The following SRSF3 variants were observed in gnomAD, a reference collection of about 807,000 sequenced individuals.
SRSF3 encodes the protein serine and arginine rich splicing factor 3.
For synonymous variants in SRSF3, 87 were observed against 73.6 expected (o/e 1.18, Z -0.93); for missense variants, 58 against 217.1 (o/e 0.27, Z 4.61).
chr6:36,595,506 C>A (rs1778612121), intron 1 of SRSF3, among the ~76,000 whole-genome samples: 1 of 152,184 alleles, frequency 6.6e-6, no homozygotes, highest in Admixed American at 6.5e-5. Context: ...GATTCCCTGT[C>A]CCCCTTCCTC....
At chr6:36,599,966 C>A in intron 3 of SRSF3, 1 of 1,312,180 alleles carries the variant, frequency 7.6e-7, no homozygotes, top group Non-Finnish European at 1.0e-6. Context: ...TCAGGTTGCA[C>A]CGCCCTTTGG....
At chr6:36,596,693 T>C (rs60049609) in intron 1 of SRSF3, 68 bp from the exon 2 acceptor site, 34,266 of 1,409,538 alleles carry the variant, frequency 0.024, 495 homozygotes, top group African/African-American at 0.041. Flanking sequence ...TGGAGTTCTT[T>C]CTAAGGATCT....
Position 36,601,197 on chromosome 6 carries a change from GACT to G in SRSF3, c.380+10_380+12del. ...TCTCTCGCAGCCGGAGCAGGTAAAT[GACT>G]ACCTTTTTTGGCTACGTTCTTAGAA... On this transcript the variant is annotated splice_region_variant and intron_variant, in intron 4 of 5. Coordinates refer to ENST00000373715, the MANE Select transcript of SRSF3 (RefSeq NM_003017.5). The G allele has an allele frequency of 6.2e-7, 1 of 1,613,274 alleles. No homozygotes were observed. Among genetic ancestry groups the G allele is most frequent in the South Asian group, 1.1e-5 (1 of 91,038 alleles).
rs1778721224 is a variant in SRSF3 at position 36,601,856 on chromosome 6, C to T, written c.467+62C>T. ...TACATAGTATGCTAAGGCCTGTCTT[C>T]TAAGCCATAAATTTTTTACCTTAAA... On this transcript the variant is annotated intron_variant, in intron 5 of 5. Coordinates refer to ENST00000373715, the MANE Select transcript of SRSF3 (RefSeq NM_003017.5). 8.1e-6 allele frequency: 13 copies of T among 1,596,200 alleles called. No homozygotes were observed. The East Asian group carries it at 2.2e-4, about 27-fold the overall frequency.
rs531026242 is a variant in SRSF3, at chr6:36,596,577, G to C, written c.-2-184G>C. Among the ~76,000 whole-genome samples the C allele has an allele frequency of 2.9e-3, 390 of 133,994 alleles. 44 individuals are homozygous for C. Among genetic ancestry groups the C allele is most frequent in the Non-Finnish European group, 5.0e-3 (292 of 58,524 alleles). 87.9% of individuals were successfully genotyped at this position (133,994 alleles called of 152,430 possible). On this transcript the variant is annotated intron_variant, in intron 1 of 5. Coordinates refer to ENST00000373715, the MANE Select transcript of SRSF3 (RefSeq NM_003017.5). The stretch of plus-strand genomic sequence containing the variant: ...TAAAGATAATGGGGCGGGGTGGCGG[G>C]GGGGGGGAAATGGGTGCTTAGCAGT...
At chr6:36,595,739 G>A (rs1255616447) in intron 1 of SRSF3, among the ~76,000 whole-genome samples, 1 of 152,068 alleles carries the variant, frequency 6.6e-6, no homozygotes, top group East Asian at 1.9e-4. Flanking sequence ...GGACATTTGG[G>A]TTAACATCTT....
chr6:36,602,930 G>C lies in SRSF3; in HGVS notation c.*941G>C, dbSNP rs75915494. The C allele has an allele frequency of 0.018, 3,834 of 214,998 alleles. 52 individuals are homozygous for C. The highest frequency in any genetic ancestry group is 0.05 in the South Asian group (266 of 5,362). 13.3% of individuals were successfully genotyped at this position (214,998 alleles called of 1,614,324 possible). On this transcript the variant is annotated 3_prime_UTR_variant, in exon 6 of 6. Coordinates refer to ENST00000373715, the MANE Select transcript of SRSF3 (RefSeq NM_003017.5). ...ATATTAGCATAATTGTGTATAGTCA[G>C]TTGAACCCACTGTTACCATTGTTCT...
intron 2 of SRSF3, among the ~76,000 whole-genome samples, chr6:36,598,277 C>G (rs1253482754): frequency 1.3e-5 from 2 of 152,154 alleles, no homozygotes; most frequent in Admixed American, 6.6e-5. Context: ...CTGGCTCTAA[C>G]AATTAGGTGA....
chr6:36,597,342 G>A (rs1028005336), intron 2 of SRSF3, among the ~76,000 whole-genome samples: 6 of 152,082 alleles, frequency 3.9e-5, no homozygotes, highest in Non-Finnish European at 7.4e-5. Context: ...CTGACCCCAG[G>A]TGATCTGACC....
rs138329776 is a variant in SRSF3, at chr6:36,603,647, C to G, written c.*1658C>G. The G allele has an allele frequency of 8.7e-6, 2 of 229,898 alleles. No homozygotes were observed. The highest frequency in any genetic ancestry group is 4.4e-5 in the African/African-American group (2 of 45,164). 14.2% of individuals were successfully genotyped at this position (229,898 alleles called of 1,614,324 possible). A position where few individuals can be genotyped will look rare whatever the true frequency, so the allele number is the denominator to read the frequency against. Reference sequence around the variant, plus strand: ...GTTCAGCCTTAAAGTTAAGCATGTTCAAGAAAGACACTTTTCAGACAGCCT... The same window carrying G: ...GTTCAGCCTTAAAGTTAAGCATGTTGAAGAAAGACACTTTTCAGACAGCCT... On this transcript the variant is annotated 3_prime_UTR_variant, in exon 6 of 6. Transcript: ENST00000373715.
At chr6:36,601,907 T>C (rs1778722540) in intron 5 of SRSF3, 55 bp from the exon 6 acceptor site, 19 of 1,586,420 alleles carry the variant, frequency 1.2e-5, no homozygotes, top group Admixed American at 3.8e-5. Context: ...GTCACTAAAG[T>C]GTCACCAAGT....
rs1414348603 is a variant in SRSF3 at position 36,601,425 on chromosome 6, T to C, written c.380+235T>C. 39 of 582,382 alleles carry C rather than the reference T, an allele frequency of 6.7e-5. 1 individual carries two copies. In the East Asian group the frequency reaches 1.1e-3, roughly 16 times the overall value. The allele number at this position is 582,382 out of a possible 1,614,324, so 36.1% of individuals were successfully genotyped here. A position where few individuals can be genotyped will look rare whatever the true frequency, so the allele number is the denominator to read the frequency against. ...GCAGTGGTGTGATTATAGCTCACTG[T>C]AGCCTTTAACTCCTGGCCTTGGAGT... is the stretch of plus-strand genomic sequence containing the variant. On this transcript the variant is annotated intron_variant, in intron 4 of 5. Coordinates refer to ENST00000373715, the MANE Select transcript of SRSF3 (RefSeq NM_003017.5).
At chr6:36,596,674 CCT>C in intron 1 of SRSF3, 85 bp from the exon 2 acceptor site, 1 of 1,203,150 alleles carries the variant, frequency 8.3e-7, no homozygotes, top group South Asian at 1.2e-5. Flanking sequence ...ACTCTCTTGT[CCT>C]CTCTAATGGA....
rs1025180389 is a variant in SRSF3, at chr6:36,603,435, G to C, written c.*1446G>C. 2 of 223,958 alleles carry C rather than the reference G, an allele frequency of 8.9e-6. No homozygotes were observed. Among genetic ancestry groups the C allele is most frequent in the Admixed American group, 1.1e-4 (2 of 17,448 alleles). The allele number at this position is 223,958 out of a possible 1,614,324, so 13.9% of individuals were successfully genotyped here. Reference sequence around the variant, plus strand: ...GATTAAATCATAATGCAACAGTCTTGTGGCTTAGTTTCCTTAAATATGCTC... The same window carrying C: ...GATTAAATCATAATGCAACAGTCTTCTGGCTTAGTTTCCTTAAATATGCTC... On this transcript the variant is annotated 3_prime_UTR_variant, in exon 6 of 6. Transcript: ENST00000373715.
In SRSF3 at chr6:36,603,207, T is replaced by G. The variant is rs1582516173; in HGVS notation, c.*1218T>G. ...CCCATTAACAAATGGCTTTTATCTTTAGCATGAAAACTTTCCACAGGTCTA... is the reference window on the plus strand; with the variant it reads ...CCCATTAACAAATGGCTTTTATCTTGAGCATGAAAACTTTCCACAGGTCTA... On this transcript the variant is annotated 3_prime_UTR_variant, in exon 6 of 6. Transcript: ENST00000373715. 1 of 224,794 alleles carries G rather than the reference T, an allele frequency of 4.4e-6. No individual in the cohort carries two copies. Among genetic ancestry groups the G allele is most frequent in the Non-Finnish European group, 8.9e-6 (1 of 112,534 alleles). 13.9% of individuals were successfully genotyped at this position (224,794 alleles called of 1,614,324 possible).
intron 2 of SRSF3, among the ~76,000 whole-genome samples, chr6:36,598,192 G>GT (rs779187568): frequency 6.6e-6 from 1 of 152,160 alleles, no homozygotes; most frequent in Non-Finnish European, 1.5e-5. Flanking sequence ...AGGAGAACTT[G>GT]TTTTTCAAGG....
At position 36,603,725 on chromosome 6, in the gene SRSF3, A is replaced by G. The variant is rs1376701305; in HGVS notation, c.*1736A>G. The G allele has an allele frequency of 2.2e-5, 5 of 230,894 alleles. No individual in the cohort carries two copies. The highest frequency in any genetic ancestry group is 6.2e-5 in the East Asian group (1 of 16,228). The allele number at this position is 230,894 out of a possible 1,614,324, so 14.3% of individuals were successfully genotyped here. ...GGCATTTTGTCTTTAGTATTCTCAC[A>G]TAGCCTACAACCTGTTCCTGTTAGG... is the stretch of plus-strand genomic sequence containing the variant. On this transcript the variant is annotated 3_prime_UTR_variant, in exon 6 of 6. Transcript: ENST00000373715.
At chr6:36,599,008 A>C in intron 3 of SRSF3, 25 bp downstream of exon 3, 1 of 1,613,358 alleles carries the variant, frequency 6.2e-7, no homozygotes. Context: ...GCTTGTTAAG[A>C]GGTATTGGTG....
intron 2 of SRSF3, 122 bp from the exon 3 acceptor site, chr6:36,598,727 T>C: frequency 8.5e-7 from 1 of 1,171,560 alleles, no homozygotes; most frequent in Middle Eastern, 3.0e-4. Flanking sequence ...AGAAATTTGA[T>C]GTTAAATTGC....
Sources: gnomAD v4.1 joint callset for allele counts (sites outside exome capture counted in the v4.1 genomes callset) on GRCh38, gnomAD v4.1.1 for gene constraint, MANE v1.5 for transcripts, NCBI Gene and HGNC (gene_info 2026-07-23, HGNC 2026-07-21) for gene names.